CCDC149: variants seen among roughly 807,000 people sequenced by gnomAD.
The protein encoded by CCDC149 is coiled-coil domain containing 149.
In CCDC149, 45 loss-of-function variants were observed where a neutral mutation model predicts 59.9. That is an observed-to-expected ratio of 0.75 (90% confidence interval 0.59 to 0.96). CCDC149 has a LOEUF of 0.96. CCDC149 is among the 40% of genes least tolerant of loss of function. The pLI, the probability that CCDC149 is intolerant of heterozygous loss-of-function variation, is 0.00. For synonymous variants in CCDC149, 245 were observed against 260.6 expected, an observed-to-expected ratio of 0.94 and a Z score of 0.58; for missense variants, 584 against 664.7, an observed-to-expected ratio of 0.88 and a Z score of 1.33.
At chr4:24,855,100 C>T (rs1295958420) in intron 3 of CCDC149, among the ~76,000 whole-genome samples, 4 of 152,190 alleles carry the variant, frequency 2.6e-5, no homozygotes, top group Admixed American at 6.5e-5. Flanking sequence ...CAAGGAACTT[C>T]GTTGTCTCTA....
At chr4:24,831,705 T>C (rs1716166826) in intron 8 of CCDC149, 55 bp from the exon 9 acceptor site, 2 of 1,506,214 alleles carry the variant, frequency 1.3e-6, no homozygotes, top group Non-Finnish European at 1.8e-6. Context: ...AACGCTGGAA[T>C]GCAAACCAAT....
intron 4 of CCDC149, among the ~76,000 whole-genome samples, chr4:24,841,163 C>T (rs575535909): frequency 4.3e-4 from 65 of 152,308 alleles, no homozygotes; most frequent in Middle Eastern, 3.4e-3. Flanking sequence ...AACAAGAAAA[C>T]TCCTGCCTTT....
intron 1 of CCDC149, among the ~76,000 whole-genome samples, chr4:24,903,551 C>T (rs1721302511): frequency 6.6e-6 from 1 of 152,100 alleles, no homozygotes; most frequent in Admixed American, 6.6e-5. Context: ...TTTGAATAAC[C>T]ATTCACCTCC....
intron 1 of CCDC149, among the ~76,000 whole-genome samples, chr4:24,908,927 T>C (rs1294448158): frequency 1.3e-5 from 2 of 152,234 alleles, no homozygotes; most frequent in East Asian, 1.9e-4. Context: ...TAAAAAGTTA[T>C]TGATTGCCTG....
chr4:24,857,063 A>T (rs1718057001), intron 3 of CCDC149, among the ~76,000 whole-genome samples: 2 of 152,204 alleles, frequency 1.3e-5, no homozygotes, highest in South Asian at 4.1e-4. Context: ...AATGTCTGTA[A>T]GGGCAACAAT....
At chr4:24,895,038 A>T in intron 1 of CCDC149, 1 of 1,533,182 alleles carries the variant, frequency 6.5e-7, no homozygotes, top group Non-Finnish European at 8.7e-7. Flanking sequence ...GATGATGACG[A>T]CGACGATGAC....
intron 1 of CCDC149, among the ~76,000 whole-genome samples, chr4:24,965,022 T>C (rs1315348461): frequency 6.6e-6 from 1 of 151,258 alleles, no homozygotes; most frequent in Admixed American, 6.6e-5. Context: ...AAAGAATTTC[T>C]TCCTGACTGT....
chr4:24,907,600 C>T (rs1721610490), intron 1 of CCDC149, among the ~76,000 whole-genome samples: 1 of 152,178 alleles, frequency 6.6e-6, no homozygotes, highest in South Asian at 2.1e-4. Context: ...GAGGCTTAGA[C>T]TAAAGCCAGG....
chr4:24,885,660 G>A lies in CCDC149; in HGVS notation c.64-8963C>T, dbSNP rs188718424. On this transcript the variant is annotated intron_variant, in intron 1 of 12. Transcript: ENST00000635206. ...AAACAGGGAAATATCCCACTTTCTG[G>A]TCACTAGGAGGGGCCAAGAGACAAA... 5.3e-3 allele frequency among the ~76,000 whole-genome samples: 803 copies of A among 152,282 alleles called. 4 individuals carry two copies. The highest frequency in any genetic ancestry group is 7.8e-3 in the Non-Finnish European group (531 of 68,030).
intron 3 of CCDC149, among the ~76,000 whole-genome samples, chr4:24,856,720 C>T (rs1337299471): frequency 6.6e-6 from 1 of 152,230 alleles, no homozygotes; most frequent in Non-Finnish European, 1.5e-5. Flanking sequence ...TCCTGGTTCC[C>T]CCTCTCCATC....
In CCDC149 at chr4:24,819,977, T is replaced by C; in HGVS notation, c.1076-2A>G. On this transcript the variant is annotated splice_acceptor_variant, in intron 11 of 12. Transcript: ENST00000635206. LOFTEE classifies it high-confidence loss of function. ...TGAACAGTATGGTGTCCTTGCCCCC[T>C]GTTGCAGAAAAGAGGAAAATGGATG... 1 of 1,545,716 alleles carries C rather than the reference T, an allele frequency of 6.5e-7. No individual in the cohort carries two copies. The highest frequency in any genetic ancestry group is 8.7e-7 in the Non-Finnish European group (1 of 1,143,414).
At chr4:24,969,079 CAG>C (rs1243418058) in intron 1 of CCDC149, among the ~76,000 whole-genome samples, 1 of 152,178 alleles carries the variant, frequency 6.6e-6, no homozygotes, top group Non-Finnish European at 1.5e-5. Flanking sequence ...ACTGATGAGA[CAG>C]ATCAATAAGC....
At chr4:24,951,467 T>C (rs1057433696) in intron 1 of CCDC149, among the ~76,000 whole-genome samples, 4 of 152,090 alleles carry the variant, frequency 2.6e-5, no homozygotes, top group African/African-American at 9.7e-5. Context: ...GAAAAATAAT[T>C]TTAAAGTCAT....
chr4:24,859,086 T>C (rs1180048669), intron 3 of CCDC149, among the ~76,000 whole-genome samples: 1 of 152,248 alleles, frequency 6.6e-6, no homozygotes, highest in Non-Finnish European at 1.5e-5. Context: ...GATTTAATGA[T>C]GCTTCAACTT....
Position 24,912,829 on chromosome 4 carries a change from C to G in CCDC149, c.51G>C (p.Gly17=), listed in dbSNP as rs1279143815. Reference sequence around the variant, plus strand: ...GCCGCGGCCTCACCTCGCTCACCAGCCCCTGCCAGTCGCTCTCAGTCCGGT... The same window carrying G: ...GCCGCGGCCTCACCTCGCTCACCAGGCCCTGCCAGTCGCTCTCAGTCCGGT... The change falls in exon 1 of 13, where the codon GGG becomes GGC. Residue 17 remains glycine (G), a synonymous_variant. Transcript: ENST00000635206. 5.1e-6 allele frequency: 7 copies of G among 1,371,894 alleles called. No individual in the cohort carries two copies. Among genetic ancestry groups the G allele is most frequent in the East Asian group, 3.7e-5 (1 of 27,066 alleles). The allele number at this position is 1,371,894 out of a possible 1,614,324, so 85.0% of individuals were successfully genotyped here.
chr4:24,944,916 A>G (rs13112159), intron 1 of CCDC149, among the ~76,000 whole-genome samples: 69,925 of 152,064 alleles, frequency 0.46, 19,052 homozygotes, highest in African/African-American at 0.77. Flanking sequence ...GTGCAGGTTC[A>G]TTTCTGCTTC....
chr4:24,897,193 G>GT (rs1720895535), intron 1 of CCDC149, among the ~76,000 whole-genome samples: 1 of 152,080 alleles, frequency 6.6e-6, no homozygotes, highest in Admixed American at 6.6e-5. Flanking sequence ...TGAGAGAGAA[G>GT]TAAGAAAAAG....
chr4:24,964,381 C>T (rs1010174471), intron 1 of CCDC149, among the ~76,000 whole-genome samples: 2 of 152,120 alleles, frequency 1.3e-5, no homozygotes, highest in African/African-American at 4.8e-5. Context: ...ATGAACAGAA[C>T]CAACTGTGTT....
intron 12 of CCDC149, among the ~76,000 whole-genome samples, chr4:24,810,497 T>C (rs942309985): frequency 3.9e-5 from 6 of 152,182 alleles, no homozygotes; most frequent in Admixed American, 6.5e-5. Flanking sequence ...CTGCCAGGGA[T>C]AACCATTAGC....
Sources: gnomAD v4.1 joint callset for allele counts (sites outside exome capture counted in the v4.1 genomes callset) on GRCh38, gnomAD v4.1.1 for gene constraint, MANE v1.5 for transcripts, NCBI Gene and HGNC (gene_info 2026-07-23, HGNC 2026-07-21) for gene names.